The following LZTR1 variants were observed in gnomAD, a reference collection of about 807,000 sequenced individuals.
The protein encoded by LZTR1 is leucine-zipper-like transcriptional regulator 1.
LZTR1 carries 260 observed loss-of-function variants against 105.7 expected under a neutral mutation model. The observed-to-expected ratio is 2.46, with a 90% CI of 2.22 to 2.72. The LOEUF is 2.72. LZTR1 is among the 30% of genes most tolerant of loss of function. The pLI is 0.00. For synonymous variants in LZTR1, 490 were observed against 476.4 expected, an observed-to-expected ratio of 1.03 and a Z score of -0.37; for missense variants, 1,214 against 1,166.9, an observed-to-expected ratio of 1.04 and a Z score of -0.59.
chr22:20,986,545 ATAGG>A (rs1267680570), intron 3 of LZTR1: 3 of 152,330 alleles, frequency 2.0e-5, no homozygotes, highest in Admixed American at 6.5e-5. Context: ...TAGATAGATG[ATAGG>A]TAGATGATAG....
At chr22:20,992,615 G>A (rs919513452) in intron 10 of LZTR1, 179 bp from the exon 11 acceptor site, 4 of 628,162 alleles carry the variant, frequency 6.4e-6, no homozygotes, top group East Asian at 2.7e-5. Context: ...TGCCCCACTC[G>A]CCTACATGGG....
In LZTR1 at chr22:20,992,304, C is replaced by A. The variant is rs189150283; in HGVS notation, c.1084C>A (p.Arg362=). 3.1e-6 allele frequency: 5 copies of A among 1,613,984 alleles called. No homozygotes were observed. The highest frequency in any genetic ancestry group is 4.2e-6 in the Non-Finnish European group (5 of 1,179,948). ...GGAGCGGGTTGGCTTCAAGAAGTCC[C>A]GAGATGTGTTTGGCCTGGACTTTGG... The part of the protein sequence containing the change: ...YEERVGFKKS[R]DVFGLDFGTT... The change falls in exon 10 of 21, where the codon CGA becomes AGA. Residue 362 remains arginine, a synonymous_variant. Coordinates refer to ENST00000646124, the MANE Select transcript of LZTR1 (RefSeq NM_006767.4).
chr22:20,995,845 A>G lies in LZTR1; in HGVS notation c.2042A>G (p.His681Arg), dbSNP rs766706053. 1 of 1,613,094 alleles carries G rather than the reference A, an allele frequency of 6.2e-7. No homozygotes were observed. Among genetic ancestry groups the G allele is most frequent in the African/African-American group, 1.3e-5 (1 of 74,964 alleles). ...CTTGACGGGCACCCACGGCCAGCCCACAAGGCTATCCTGGCCGCCCGCTCC... is the reference window on the plus strand; with the variant it reads ...CTTGACGGGCACCCACGGCCAGCCCGCAAGGCTATCCTGGCCGCCCGCTCC... ...LLLDGHPRPA[H>R]KAILAARSSY... Residue 681 changes from histidine (H) to arginine (R), a missense_variant, in exon 17 of 21, where the codon CAC (histidine) becomes CGC (arginine). Physicochemically the swap from His to Arg is conservative, Grantham distance 29. Coordinates refer to ENST00000646124, the MANE Select transcript of LZTR1 (RefSeq NM_006767.4).
chr22:20,986,762 G>T (rs1924402410), intron 3 of LZTR1: 1 of 152,204 alleles, frequency 6.6e-6, no homozygotes, highest in African/African-American at 2.4e-5. Flanking sequence ...TAGATAGATA[G>T]GTATTAAATG....
chr22:20,983,427 A>G (rs893649805), intron 2 of LZTR1, among the ~76,000 whole-genome samples: 1 of 152,182 alleles, frequency 6.6e-6, no homozygotes, highest in Non-Finnish European at 1.5e-5. Flanking sequence ...CCTCATCGGT[A>G]TGGAGGACAC....
chr22:20,995,025 TG>T lies in LZTR1; in HGVS notation c.1942+1del. On this transcript the variant is annotated frameshift_variant and splice_region_variant, in exon 16 of 21. Transcript: ENST00000646124. LOFTEE classifies it high-confidence loss of function. ...CTCCCTTGGACCAGCCAGTGGACAT[TG>T]GTAGGGAGCCCCGTTCCCCTTCCCT... is the stretch of plus-strand genomic sequence containing the variant. ...RTPLDQPVDIGTSLIQDMKAY... is the reference protein window; with the variant it reads ...RTPLDQPVDIXTSLIQDMKAY... 4 of 1,606,196 alleles carry T rather than the reference TG, an allele frequency of 2.5e-6. No homozygotes were observed. The highest frequency in any genetic ancestry group is 2.6e-6 in the Non-Finnish European group (3 of 1,176,034).
rs1229888023 is a variant in LZTR1 at position 20,995,380 on chromosome 22, C to T, written c.1942+354C>T. ...TGTAATGTCACAGGCCCCTTCATTC[C>T]CCCAGCTCTCCCTGGGGCTTGTGCT... On this transcript the variant is annotated intron_variant, in intron 16 of 20. Coordinates refer to ENST00000646124, the MANE Select transcript of LZTR1 (RefSeq NM_006767.4). The T allele has an allele frequency of 6.6e-6, 4 of 609,876 alleles. No homozygotes were observed. The Admixed American group carries it at 8.6e-5, about 13-fold the overall frequency. The allele number at this position is 609,876 out of a possible 1,614,324, so 37.8% of individuals were successfully genotyped here.
rs1215420572 is a variant in LZTR1 at position 20,994,896 on chromosome 22, G to C, written c.1812G>C (p.Lys604Asn). ...AGCACTGCCTGAACTTCGTGGTAAA[G>C]GAGTCCCACTTCAACCAGGTGATCA... ...LKEHCLNFVV[K>N]ESHFNQVIMM... The change falls in exon 16 of 21, where the codon AAG becomes AAC. Residue 604 changes from lysine to asparagine, a missense_variant. Lys to Asn is a moderately conservative substitution (Grantham distance 94). Coordinates refer to ENST00000646124, the MANE Select transcript of LZTR1 (RefSeq NM_006767.4). The C allele has an allele frequency of 1.2e-6, 2 of 1,613,306 alleles. No homozygotes were observed. Among genetic ancestry groups the C allele is most frequent in the Non-Finnish European group, 1.7e-6 (2 of 1,179,998 alleles).
In LZTR1 at chr22:20,993,740, T is replaced by G. The variant is rs1312334046; in HGVS notation, c.1339T>G (p.Phe447Val). The change falls in exon 12 of 21, where the codon TTC (phenylalanine) becomes GTC (valine). Residue 447 changes from phenylalanine (F) to valine (V), a missense_variant. Coordinates refer to ENST00000646124, the MANE Select transcript of LZTR1 (RefSeq NM_006767.4). ...GAGCCGCCAGTTCTGCGACGTGGAG[T>G]TCGTGCTGGGTGAGGTGGGTGCCTG... Reference protein sequence around the residue: ...WESRQFCDVEFVLGEKEECVQ... With the variant: ...WESRQFCDVEVVLGEKEECVQ... 6.2e-7 allele frequency: 1 copy of G among 1,613,064 alleles called. No homozygotes were observed. Among genetic ancestry groups the G allele is most frequent in the Middle Eastern group, 1.7e-4 (1 of 6,058 alleles).
chr22:20,987,876 G>T, intron 4 of LZTR1, 134 bp from the exon 5 acceptor site: 1 of 659,252 alleles, frequency 1.5e-6, no homozygotes, highest in South Asian at 1.8e-5. Context: ...ACAGGCAGCA[G>T]GTCGTTCCGG....
rs142418387 is a variant in LZTR1, at chr22:20,993,965, G to T, written c.1395G>T (p.Ala465=). 2 of 1,612,648 alleles carry T rather than the reference G, an allele frequency of 1.2e-6. No homozygotes were observed. The highest frequency in any genetic ancestry group is 2.7e-5 in the African/African-American group (2 of 74,952). The change falls in exon 13 of 21, where the codon GCG becomes GCT. Residue 465 remains alanine, a synonymous_variant. Coordinates refer to ENST00000646124, the MANE Select transcript of LZTR1 (RefSeq NM_006767.4). ...CVQGHVAIVT[A]RSRWLRRKIT... is the part of the protein sequence containing the mutation. ...AGGGCCACGTAGCCATTGTCACAGCGCGGAGCCGCTGGCTTCGCAGGAAGA... is the reference window on the plus strand; with the variant it reads ...AGGGCCACGTAGCCATTGTCACAGCTCGGAGCCGCTGGCTTCGCAGGAAGA...
chr22:20,996,207 G>A, intron 18 of LZTR1, 95 bp downstream of exon 18: 1 of 1,385,616 alleles, frequency 7.2e-7, no homozygotes, highest in South Asian at 1.3e-5. Context: ...GCCCCAGCTA[G>A]GTGATCTGGG....
At chr22:20,991,459 G>T in intron 8 of LZTR1, 169 bp from the exon 9 acceptor site, 1 of 604,598 alleles carries the variant, frequency 1.7e-6, no homozygotes, top group South Asian at 2.0e-5. Flanking sequence ...GCCCGTGCTG[G>T]ATGGGGTGAG....
At position 20,991,663 on chromosome 22, in the gene LZTR1, G is replaced by T; in HGVS notation, c.827G>T (p.Gly276Val). ...TRIPTEHLLR[G>V]SPPPPQRRYG... ...ATCCCAACTGAACACCTGCTCCGGG[G>T]CTCCCCACCACCCCCGCAGCGGCGC... Residue 276 changes from glycine (G) to valine (V), a missense_variant, in exon 9 of 21, where the codon GGC (glycine) becomes GTC (valine). By Grantham distance (109) the Gly-to-Val change is moderately radical (BLOSUM62 -3). Transcript: ENST00000646124. 1 of 1,602,438 alleles carries T rather than the reference G, an allele frequency of 6.2e-7. No individual in the cohort carries two copies. Among genetic ancestry groups the T allele is most frequent in the Non-Finnish European group, 8.5e-7 (1 of 1,177,634 alleles).
intron 7 of LZTR1, among the ~76,000 whole-genome samples, chr22:20,990,022 A>T (rs998999592): frequency 2.0e-5 from 3 of 152,130 alleles, no homozygotes; most frequent in Non-Finnish European, 2.9e-5. Context: ...CAGTGCAGTG[A>T]GGGCCGTCTG....
rs1303528589 is a variant in LZTR1 at position 20,993,943 on chromosome 22, G to A, written c.1373G>A (p.Gly458Asp). The A allele has an allele frequency of 1.2e-6, 2 of 1,612,298 alleles. No individual in the cohort carries two copies. The highest frequency in any genetic ancestry group is 1.7e-6 in the Non-Finnish European group (2 of 1,179,902). The change falls in exon 13 of 21, where the codon GGC (glycine) becomes GAC (aspartate). Residue 458 changes from glycine to aspartate, a missense_variant. Transcript: ENST00000646124. The stretch of plus-strand genomic sequence containing the variant: ...GTGCAGAAGGAGGAGTGCGTGCAGG[G>A]CCACGTAGCCATTGTCACAGCGCGG... ...VLGEKEECVQ[G>D]HVAIVTARSR...
At position 20,982,571 on chromosome 22, in the gene LZTR1, G is replaced by C. The variant is rs1338433423; in HGVS notation, c.200G>C (p.Arg67Pro). The C allele has an allele frequency of 1.2e-6, 2 of 1,611,004 alleles. No homozygotes were observed. Among genetic ancestry groups the C allele is most frequent in the Admixed American group, 1.7e-5 (1 of 59,756 alleles). The change falls in exon 1 of 21, where the codon CGG (arginine) becomes CCG (proline). Residue 67 changes from arginine to proline, a missense_variant and splice_region_variant. Coordinates refer to ENST00000646124, the MANE Select transcript of LZTR1 (RefSeq NM_006767.4). The stretch of plus-strand genomic sequence containing the variant: ...CCCTGCGACGAGTTCGTGGGTGCCC[G>C]GTACGGTGGGCTTCATGGGGTCCTG... ...LPPCDEFVGA[R>P]RSKHTVVAYK...
Position 20,994,604 on chromosome 22 carries a change from A to G in LZTR1, c.1662A>G (p.Ala554=). 1 of 1,612,598 alleles carries G rather than the reference A, an allele frequency of 6.2e-7. No individual in the cohort carries two copies. The highest frequency in any genetic ancestry group is 8.5e-7 in the Non-Finnish European group (1 of 1,179,988). Residue 554 remains alanine (A), a synonymous_variant, in exon 15 of 21, where the codon GCA becomes GCG. Transcript: ENST00000646124. Reference sequence around the variant, plus strand: ...TCATCATGGATGTGTACAAACTGGCACTGAGCTTCCAGTTGTGCCGCCTGG... The same window carrying G: ...TCATCATGGATGTGTACAAACTGGCGCTGAGCTTCCAGTTGTGCCGCCTGG... ...VLLIMDVYKL[A]LSFQLCRLEQ...
rs145833752 is a variant in LZTR1, at chr22:20,992,853, C to T, written c.1209C>T (p.Phe403=). The stretch of plus-strand genomic sequence containing the variant: ...TCATCTCGGACGCCATGTACATCTT[C>T]GGGGGCACGGTGGACAACAACATCC... ...AAVISDAMYI[F]GGTVDNNIRS... Residue 403 remains phenylalanine (F), a synonymous_variant, in exon 11 of 21, where the codon TTC becomes TTT. Coordinates refer to ENST00000646124, the MANE Select transcript of LZTR1 (RefSeq NM_006767.4). The T allele has an allele frequency of 8.7e-3, 13,982 of 1,610,066 alleles. 102 individuals carry two copies. The highest frequency in any genetic ancestry group is 9.8e-3 in the Non-Finnish European group (11,494 of 1,178,334).
Sources: gnomAD v4.1 joint callset for allele counts (sites outside exome capture counted in the v4.1 genomes callset) on GRCh38, gnomAD v4.1.1 for gene constraint, MANE v1.5 for transcripts, NCBI Gene and HGNC (gene_info 2026-07-23, HGNC 2026-07-21) for gene names.